Variants in FCER1A observed in about 807,000 individuals in gnomAD.
FCER1A encodes Fc epsilon receptor Ia.
Under a neutral mutation model 23.6 loss-of-function variants are expected in FCER1A, and 24 were observed. That is an observed-to-expected ratio of 1.02 (90% CI 0.74 to 1.43). The LOEUF (loss-of-function observed/expected upper bound fraction) is 1.43, where lower values mean the gene tolerates loss of function less well. Among genes scored for constraint, FCER1A ranks in the 40% most tolerant of loss-of-function variants. FCER1A has a pLI of 0.00. For missense variants in FCER1A, 318 were observed against 294.5 expected (o/e 1.08, Z -0.58); for synonymous variants, 121 against 108.8 (o/e 1.11, Z -0.70).
upstream of FCER1A, among the ~76,000 whole-genome samples, chr1:159,286,145 A>C (rs1035298133): frequency 4.0e-5 from 6 of 151,766 alleles, no homozygotes; most frequent in Admixed American, 2.0e-4. Context: ...ACCCGAGATC[A>C]TGCCACTGCA....
Position 159,302,836 on chromosome 1 carries a change from C to T in FCER1A, c.56-18C>T, listed in dbSNP as rs1381234296. ...GAAGACTGCTGGACACTAATGTATC[C>T]TCTCTGGACTTTTGCAGCTCCAGAT... is the stretch of plus-strand genomic sequence containing the variant. On this transcript the variant is annotated intron_variant, in intron 1 of 4. Coordinates refer to ENST00000693622, the MANE Select transcript of FCER1A (RefSeq NM_001387280.1). The T allele has an allele frequency of 3.7e-6, 6 of 1,613,006 alleles. No individual in the cohort carries two copies. The South Asian group carries it at 5.5e-5, about 15-fold the overall frequency.
chr1:159,292,968 A>C (rs1466239962), intron 1 of FCER1A, among the ~76,000 whole-genome samples: 3 of 152,010 alleles, frequency 2.0e-5, no homozygotes, highest in Non-Finnish European at 4.4e-5. Flanking sequence ...ATCTGCAGAG[A>C]GTCCCCATTA....
intron 1 of FCER1A, among the ~76,000 whole-genome samples, chr1:159,290,656 T>G (rs1652127026): frequency 6.6e-6 from 1 of 152,190 alleles, no homozygotes; most frequent in Non-Finnish European, 1.5e-5. Flanking sequence ...CCTCCCTACC[T>G]CATTAAAAAC....
At chr1:159,306,394 T>C (rs1652617251) in intron 4 of FCER1A, 149 bp downstream of exon 4, 5 of 673,652 alleles carry the variant, frequency 7.4e-6, no homozygotes, top group African/African-American at 3.6e-5. Flanking sequence ...TGGGTGATAG[T>C]ATATATCTCA....
intron 4 of FCER1A, among the ~76,000 whole-genome samples, chr1:159,306,528 C>T (rs1251890096): frequency 6.6e-6 from 1 of 151,896 alleles, no homozygotes; most frequent in African/African-American, 2.4e-5. Context: ...TAAGCACTAC[C>T]CAAGCATAAC....
At chr1:159,290,763 C>G (rs953886247) in intron 1 of FCER1A, among the ~76,000 whole-genome samples, 1 of 152,132 alleles carries the variant, frequency 6.6e-6, no homozygotes, top group African/African-American at 2.4e-5. Context: ...AAAATATTAA[C>G]AGTTACCTGT....
At chr1:159,292,303 A>G (rs1652172960) in intron 1 of FCER1A, among the ~76,000 whole-genome samples, 1 of 152,024 alleles carries the variant, frequency 6.6e-6, no homozygotes, top group Non-Finnish European at 1.5e-5. Context: ...CTTCAAACTA[A>G]AACACTTCCC....
chr1:159,302,396 T>C lies in FCER1A; in HGVS notation c.32T>C (p.Leu11Pro), dbSNP rs1652458646. ...CCTGCCATGGAATCCCCTACTCTAC[T>C]GTGTGTAGCCTTACTGTTCTTCGGT... MAPAMESPTL[L>P]CVALLFFAPD... Residue 11 changes from leucine to proline, a missense_variant, in exon 1 of 5, where the codon CTG (leucine) becomes CCG (proline). Coordinates refer to ENST00000693622, the MANE Select transcript of FCER1A (RefSeq NM_001387280.1). The C allele has an allele frequency of 7.4e-6, 12 of 1,611,220 alleles. No individual in the cohort carries two copies. Among genetic ancestry groups the C allele is most frequent in the Non-Finnish European group, 1.0e-5 (12 of 1,177,290 alleles).
upstream of FCER1A, among the ~76,000 whole-genome samples, chr1:159,288,917 G>T (rs1055611469): frequency 2.0e-5 from 3 of 152,048 alleles, no homozygotes; most frequent in Non-Finnish European, 4.4e-5. Context: ...ACATTCTGAG[G>T]GGTTCGGGCT....
At chr1:159,297,357 G>A (rs1243573975), upstream of FCER1A, among the ~76,000 whole-genome samples, 3 of 152,206 alleles carry the variant, frequency 2.0e-5, no homozygotes, top group African/African-American at 7.2e-5. Flanking sequence ...GGACCCACCA[G>A]TGGCCTTCCA....
intron 1 of FCER1A, among the ~76,000 whole-genome samples, chr1:159,293,818 T>C (rs1652223608): frequency 6.6e-6 from 1 of 151,894 alleles, no homozygotes; most frequent in African/African-American, 2.4e-5. Context: ...AACCTACTCA[T>C]CTGACAAAGG....
At chr1:159,298,062 A>G (rs924649482), upstream of FCER1A, among the ~76,000 whole-genome samples, 3 of 152,148 alleles carry the variant, frequency 2.0e-5, no homozygotes, top group Non-Finnish European at 4.4e-5. Flanking sequence ...GAAATATACT[A>G]TTTATAAGGT....
chr1:159,292,273 T>A (rs1278843869), intron 1 of FCER1A, among the ~76,000 whole-genome samples: 1 of 152,112 alleles, frequency 6.6e-6, no homozygotes, highest in Non-Finnish European at 1.5e-5. Context: ...TAGCACAGAC[T>A]CTTAGATACA....
intron 1 of FCER1A, among the ~76,000 whole-genome samples, chr1:159,296,358 G>A (rs558140542): frequency 6.6e-6 from 1 of 152,222 alleles, no homozygotes; most frequent in East Asian, 1.9e-4. Flanking sequence ...ATTATAATAG[G>A]AAAATATGTC....
upstream of FCER1A, among the ~76,000 whole-genome samples, chr1:159,298,890 G>T (rs1042773648): frequency 6.6e-6 from 1 of 152,206 alleles, no homozygotes; most frequent in Non-Finnish European, 1.5e-5. Flanking sequence ...AGGAATTTCT[G>T]CATGAGGACT....
At chr1:159,300,687 C>T (rs565487033), upstream of FCER1A, among the ~76,000 whole-genome samples, 2 of 152,258 alleles carry the variant, frequency 1.3e-5, no homozygotes, top group South Asian at 2.1e-4. Context: ...TCATATTTCT[C>T]CTATAAGTCT....
intron 1 of FCER1A, chr1:159,289,804 TG>T (rs1260266480): frequency 2.0e-5 from 3 of 152,180 alleles, no homozygotes; most frequent in African/African-American, 7.2e-5. Context: ...TAAAGGGTGA[TG>T]GCCACACTAC....
At chr1:159,292,602 A>C (rs1652180996) in intron 1 of FCER1A, among the ~76,000 whole-genome samples, 1 of 152,150 alleles carries the variant, frequency 6.6e-6, no homozygotes, top group South Asian at 2.1e-4. Flanking sequence ...CCTACAGATT[A>C]CATGACGACA....
chr1:159,305,844 TA>T (rs1652587892), intron 3 of FCER1A, 143 bp from the exon 4 acceptor site: 2 of 713,982 alleles, frequency 2.8e-6, no homozygotes, highest in South Asian at 3.9e-5. Context: ...TTGTGCCCTT[TA>T]AAAATCCACT....
Sources: allele counts gnomAD v4.1 joint callset (sites outside exome capture counted in the v4.1 genomes callset), GRCh38; gene constraint gnomAD v4.1.1; transcripts MANE v1.5; gene names NCBI Gene and HGNC (gene_info 2026-07-23, HGNC 2026-07-21).